ZNF678: variants seen among roughly 807,000 people sequenced by gnomAD.
ZNF678 encodes the protein hypothetical protein MGC42493.
In ZNF678, 5 loss-of-function variants were observed where a neutral mutation model predicts 3.0. That is an observed-to-expected ratio of 1.69 (90% confidence interval 0.88 to 3.56). The LOEUF is 3.56. Among genes scored for constraint, ZNF678 ranks in the 30% most tolerant of loss-of-function variants. The pLI is 0.00. For synonymous variants in ZNF678, 218 were observed against 199.6 expected, an observed-to-expected ratio of 1.09 and a Z score of -0.78; for missense variants, 593 against 605.0, an observed-to-expected ratio of 0.98 and a Z score of 0.21.
chr1:227,566,912 A>G (rs1050844212), intron 1 of ZNF678, among the ~76,000 whole-genome samples: 3 of 152,220 alleles, frequency 2.0e-5, no homozygotes, highest in Non-Finnish European at 4.4e-5. Flanking sequence ...TGGGAATTCT[A>G]TCGGGGAGAA....
At chr1:227,623,742 CTACTT>C (rs1484480567) in intron 1 of ZNF678, among the ~76,000 whole-genome samples, 2 of 152,000 alleles carry the variant, frequency 1.3e-5, no homozygotes, top group Non-Finnish European at 2.9e-5. Flanking sequence ...TTGAGGTAAT[CTACTT>C]TATTAACCTT....
At chr1:227,601,753 C>T (rs962431397) in intron 1 of ZNF678, among the ~76,000 whole-genome samples, 4 of 151,784 alleles carry the variant, frequency 2.6e-5, no homozygotes, top group Non-Finnish European at 4.4e-5. Flanking sequence ...TTAGTAGAGA[C>T]GGGGTTTCAC....
intron 1 of ZNF678, among the ~76,000 whole-genome samples, chr1:227,643,863 C>CTTTT (rs554280668): frequency 8.7e-4 from 100 of 115,314 alleles, no homozygotes; most frequent in Non-Finnish European, 1.0e-3. Flanking sequence ...CTTTTCTTTT[C>CTTTT]TTTTTTTTTT....
chr1:227,587,870 G>T (rs923412195), intron 1 of ZNF678, among the ~76,000 whole-genome samples: 26 of 150,148 alleles, frequency 1.7e-4, no homozygotes, highest in African/African-American at 6.4e-4. Context: ...ACATGTGCAG[G>T]ATGTGTAGGT....
At position 227,636,998 on chromosome 1, in the gene ZNF678, T is replaced by G. The variant is rs570254204; in HGVS notation, c.-163-9546T>G. 2.6e-5 allele frequency among the ~76,000 whole-genome samples: 4 copies of G among 152,244 alleles called. No individual in the cohort carries two copies. The South Asian group carries it at 6.2e-4, about 24-fold the overall frequency. On this transcript the variant is annotated intron_variant, in intron 1 of 3. Transcript: ENST00000343776. ...TCAAGTGAGGGCGATGAGTTCAGCT[T>G]TTTGAGAGGTGGTGCCTAGAAGTAG...
rs918157147 is a variant in ZNF678, at chr1:227,659,015, T to C, written c.*3187T>C. ...AATGGCAAGCAAAAAAGTTTAAATT[T>C]AGTTTTTTATAAATTACATATAGCA... On this transcript the variant is annotated 3_prime_UTR_variant, in exon 4 of 4. Coordinates refer to ENST00000343776, the MANE Select transcript of ZNF678 (RefSeq NM_001367909.1). 1 of 152,086 alleles carries C rather than the reference T, an allele frequency of 6.6e-6. No individual in the cohort carries two copies. The highest frequency in any genetic ancestry group is 2.4e-5 in the African/African-American group (1 of 41,450). 9.4% of individuals were successfully genotyped at this position (152,086 alleles called of 1,614,324 possible). A position where few individuals can be genotyped will look rare whatever the true frequency, so the allele number is the denominator to read the frequency against.
At chr1:227,635,663 CT>C (rs1173316027) in intron 1 of ZNF678, among the ~76,000 whole-genome samples, 1 of 152,026 alleles carries the variant, frequency 6.6e-6, no homozygotes, top group East Asian at 1.9e-4. Flanking sequence ...TTATGGTCTC[CT>C]GCAAGCTGGA....
At chr1:227,622,130 G>T (rs1022374700) in intron 1 of ZNF678, among the ~76,000 whole-genome samples, 2 of 152,170 alleles carry the variant, frequency 1.3e-5, no homozygotes, top group African/African-American at 4.8e-5. Context: ...CATCTTTTAA[G>T]TTCCCATAAG....
chr1:227,596,428 G>A (rs560239445), intron 1 of ZNF678, among the ~76,000 whole-genome samples: 23 of 152,166 alleles, frequency 1.5e-4, no homozygotes, highest in Middle Eastern at 3.2e-3. Context: ...TAATCAGAAC[G>A]AAACAGAACA....
chr1:227,663,408 A>T (rs1659449194), downstream of ZNF678, among the ~76,000 whole-genome samples: 1 of 152,194 alleles, frequency 6.6e-6, no homozygotes, highest in Non-Finnish European at 1.5e-5. Context: ...ATATCAAGAC[A>T]TGTAAGGTCA....
At chr1:227,605,967 G>A (rs1191177923) in intron 1 of ZNF678, among the ~76,000 whole-genome samples, 1 of 152,210 alleles carries the variant, frequency 6.6e-6, no homozygotes, top group Admixed American at 6.5e-5. Context: ...CTTGGTCAAG[G>A]TGTATAACTC....
intron 1 of ZNF678, among the ~76,000 whole-genome samples, chr1:227,605,197 A>C (rs1337131586): frequency 6.6e-6 from 1 of 152,014 alleles, no homozygotes; most frequent in Non-Finnish European, 1.5e-5. Context: ...TAGAGTTTTT[A>C]TTTGGTTTTA....
rs141717685 is a variant in ZNF678 at position 227,628,845 on chromosome 1, C to T, written c.-163-17699C>T. ...CTGGCCAAATAGATGGGGGCTATCC[C>T]AACAGTCCAGGTGAGTTGAGATATT... On this transcript the variant is annotated intron_variant, in intron 1 of 3. Coordinates refer to ENST00000343776, the MANE Select transcript of ZNF678 (RefSeq NM_001367909.1). 3.9e-3 allele frequency among the ~76,000 whole-genome samples: 596 copies of T among 152,276 alleles called. 5 individuals are homozygous for T. Among genetic ancestry groups the T allele is most frequent in the African/African-American group, 0.014 (580 of 41,540 alleles).
intron 1 of ZNF678, among the ~76,000 whole-genome samples, chr1:227,626,882 A>C (rs768657563): frequency 6.6e-6 from 1 of 151,782 alleles, no homozygotes; most frequent in Non-Finnish European, 1.5e-5. Context: ...GGGAAGTCCA[A>C]ATCTGGGAAT....
At chr1:227,665,162 C>T (rs1268040646), downstream of ZNF678, among the ~76,000 whole-genome samples, 1 of 152,108 alleles carries the variant, frequency 6.6e-6, no homozygotes, top group African/African-American at 2.4e-5. Flanking sequence ...GAAAGAATTA[C>T]AAGAAGGGGT....
intron 1 of ZNF678, among the ~76,000 whole-genome samples, chr1:227,573,578 A>C (rs1041298940): frequency 6.6e-6 from 1 of 152,222 alleles, no homozygotes; most frequent in African/African-American, 2.4e-5. Flanking sequence ...GACTCACACA[A>C]ATGGTCCACA....
At chr1:227,666,996 C>T (rs1341961932), downstream of ZNF678, among the ~76,000 whole-genome samples, 6 of 151,802 alleles carry the variant, frequency 4.0e-5, no homozygotes, top group South Asian at 2.1e-4. Context: ...TCACCCACCT[C>T]GGCCTCCCAA....
intron 3 of ZNF678, 75 bp from the exon 4 acceptor site, chr1:227,654,261 A>T (rs190428363): frequency 1.8e-6 from 2 of 1,126,322 alleles, no homozygotes; most frequent in Admixed American, 6.0e-5. Context: ...TGATATAATT[A>T]TATTTATTAG....
At chr1:227,634,682 C>T (rs553827449) in intron 1 of ZNF678, among the ~76,000 whole-genome samples, 1 of 152,254 alleles carries the variant, frequency 6.6e-6, no homozygotes, top group African/African-American at 2.4e-5. Flanking sequence ...GTTTGAGTAC[C>T]ACCTCAGCCA....
Sources: allele counts gnomAD v4.1 joint callset (sites outside exome capture counted in the v4.1 genomes callset), GRCh38; gene constraint gnomAD v4.1.1; transcripts MANE v1.5; gene names NCBI Gene and HGNC (gene_info 2026-07-23, HGNC 2026-07-21).